The following KPNA4 variants were observed in gnomAD, a reference collection of about 807,000 sequenced individuals.
KPNA4 encodes importin subunit alpha-3.
Under a neutral mutation model 71.3 loss-of-function variants are expected in KPNA4, and 13 were observed. That is an observed-to-expected ratio of 0.18 (90% CI 0.12 to 0.29). The LOEUF is 0.29. Among genes scored for constraint, KPNA4 ranks in the 10% least tolerant of loss-of-function variants. KPNA4 has a pLI of 1.00. For missense variants in KPNA4, 334 were observed against 603.2 expected, an observed-to-expected ratio of 0.55 and a Z score of 4.67; for synonymous variants, 189 against 195.2, an observed-to-expected ratio of 0.97 and a Z score of 0.26.
Position 160,536,797 on chromosome 3 carries a change from T to A in KPNA4, c.113A>T (p.Lys38Met). The A allele has an allele frequency of 6.3e-7, 1 of 1,575,154 alleles. No individual in the cohort carries two copies. The highest frequency in any genetic ancestry group is 8.7e-7 in the Non-Finnish European group (1 of 1,148,650). The change falls in exon 2 of 17, where the codon AAG (lysine) becomes ATG (methionine). Residue 38 changes from lysine (K) to methionine (M), a missense_variant and splice_region_variant. Lys to Met is a moderately conservative substitution (Grantham distance 95). Coordinates refer to ENST00000334256, the MANE Select transcript of KPNA4 (RefSeq NM_002268.5). Reference protein sequence around the residue: ...QRNEVVVELRKNKRDEHLLKR... With the variant: ...QRNEVVVELRMNKRDEHLLKR... ...GTACCCAATATTAATCAGACTCACC[T>A]TCCTTAATTCAACTACAACTTCATT...
chr3:160,522,943 C>T (rs1721385348), intron 10 of KPNA4, among the ~76,000 whole-genome samples: 1 of 148,428 alleles, frequency 6.7e-6, no homozygotes, highest in Non-Finnish European at 1.5e-5. Context: ...TTTTTTTTAA[C>T]GATTACATCT....
intron 5 of KPNA4, among the ~76,000 whole-genome samples, chr3:160,533,198 A>G (rs557096817): frequency 2.4e-4 from 36 of 152,044 alleles, no homozygotes; most frequent in African/African-American, 8.7e-4. Context: ...CAACTTTTAT[A>G]TTTTTAGTAG....
At chr3:160,503,861 T>C (rs976631715) in intron 16 of KPNA4, among the ~76,000 whole-genome samples, 12 of 152,098 alleles carry the variant, frequency 7.9e-5, no homozygotes, top group East Asian at 3.9e-4. Context: ...GATGGGAGAA[T>C]TGTTTGAGTC....
At chr3:160,522,602 C>T (rs906531752) in intron 10 of KPNA4, among the ~76,000 whole-genome samples, 6 of 152,164 alleles carry the variant, frequency 3.9e-5, no homozygotes, top group African/African-American at 9.7e-5. Context: ...GGACTACAGG[C>T]GCATGCCGCA....
chr3:160,532,920 G>A (rs958878011), intron 5 of KPNA4, among the ~76,000 whole-genome samples: 9 of 152,172 alleles, frequency 5.9e-5, no homozygotes, highest in Non-Finnish European at 1.2e-4. Flanking sequence ...GGTCTTCTAT[G>A]TATTCAAACT....
intron 11 of KPNA4, among the ~76,000 whole-genome samples, chr3:160,519,174 T>G (rs1207490843): frequency 6.6e-6 from 1 of 152,238 alleles, no homozygotes; most frequent in African/African-American, 2.4e-5. Flanking sequence ...GGAAGCACGG[T>G]CATCCTAACA....
intron 7 of KPNA4, among the ~76,000 whole-genome samples, chr3:160,529,911 T>TGAGGTCAGGAGATCGA (rs1721537442): frequency 6.8e-6 from 1 of 147,724 alleles, no homozygotes; most frequent in Non-Finnish European, 1.5e-5. Flanking sequence ...AGGCGGATCA[T>TGAGGTCAGGAGATCGA]GAGGTCAGGA....
intron 1 of KPNA4, among the ~76,000 whole-genome samples, chr3:160,539,338 C>T (rs868272434): frequency 6.6e-6 from 1 of 152,282 alleles, no homozygotes. Flanking sequence ...TAGCTAAATA[C>T]TACGGTAAGT....
Position 160,555,348 on chromosome 3 carries a change from T to A in KPNA4, c.69+9866A>T, listed in dbSNP as rs554661560. Among the ~76,000 whole-genome samples the A allele has an allele frequency of 1.8e-3, 281 of 152,364 alleles. 7 individuals carry two copies. Among genetic ancestry groups the A allele is most frequent in the Admixed American group, 0.018 (276 of 15,298 alleles). Reference sequence around the variant, plus strand: ...GACTAACTTCTTTCAGGCAGTATAATGTTTTCAAGGTTCATCCATACCGTT... The same window carrying A: ...GACTAACTTCTTTCAGGCAGTATAAAGTTTTCAAGGTTCATCCATACCGTT... On this transcript the variant is annotated intron_variant, in intron 1 of 16. Coordinates refer to ENST00000334256, the MANE Select transcript of KPNA4 (RefSeq NM_002268.5).
At chr3:160,528,996 C>G (rs1407594352) in intron 7 of KPNA4, among the ~76,000 whole-genome samples, 3 of 152,164 alleles carry the variant, frequency 2.0e-5, no homozygotes, top group Non-Finnish European at 2.9e-5. Context: ...GGTGTCACCA[C>G]AGGTCACTGC....
chr3:160,521,534 T>C (rs1460425720), intron 11 of KPNA4, among the ~76,000 whole-genome samples: 1 of 152,146 alleles, frequency 6.6e-6, no homozygotes, highest in Non-Finnish European at 1.5e-5. Context: ...ACCTAGGAAG[T>C]GGAGGTTGTA....
intron 10 of KPNA4, 29 bp from the exon 11 acceptor site, chr3:160,521,939 C>T (rs1383354665): frequency 1.3e-6 from 2 of 1,574,064 alleles, no homozygotes; most frequent in Admixed American, 3.8e-5. Flanking sequence ...ATTCAAACAA[C>T]TTTTAAATAT....
At chr3:160,546,827 T>C (rs1004032870) in intron 1 of KPNA4, among the ~76,000 whole-genome samples, 1 of 152,166 alleles carries the variant, frequency 6.6e-6, no homozygotes, top group Non-Finnish European at 1.5e-5. Flanking sequence ...CCACGTCTCA[T>C]TTATTGTGGT....
chr3:160,541,971 C>A (rs567097644), intron 1 of KPNA4, among the ~76,000 whole-genome samples: 1 of 152,142 alleles, frequency 6.6e-6, no homozygotes, highest in African/African-American at 2.4e-5. Flanking sequence ...ATGCACACAA[C>A]GCACTCTGAC....
chr3:160,551,700 A>C (rs930143359), intron 1 of KPNA4, among the ~76,000 whole-genome samples: 3 of 152,192 alleles, frequency 2.0e-5, no homozygotes, highest in Non-Finnish European at 4.4e-5. Context: ...TGCAGCAAAC[A>C]CTCAAATATC....
intron 15 of KPNA4, among the ~76,000 whole-genome samples, chr3:160,506,075 A>G (rs1720976617): frequency 6.6e-6 from 1 of 152,158 alleles, no homozygotes; most frequent in Non-Finnish European, 1.5e-5. Flanking sequence ...CAAAAACTTG[A>G]AAGTCCATCC....
intron 15 of KPNA4, among the ~76,000 whole-genome samples, 154 bp from the exon 16 acceptor site, chr3:160,505,206 A>AT: frequency 6.6e-6 from 1 of 152,310 alleles, no homozygotes; most frequent in East Asian, 1.9e-4. Flanking sequence ...ATATAAAAAA[A>AT]TTTTATGCAC....
chr3:160,542,860 T>C (rs900389015), intron 1 of KPNA4, among the ~76,000 whole-genome samples: 1 of 152,216 alleles, frequency 6.6e-6, no homozygotes, highest in African/African-American at 2.4e-5. Flanking sequence ...ATAGATTCCA[T>C]ACTTTAAAAT....
intron 7 of KPNA4, among the ~76,000 whole-genome samples, chr3:160,529,032 G>A (rs1447044404): frequency 1.3e-5 from 2 of 152,088 alleles, no homozygotes; most frequent in Non-Finnish European, 2.9e-5. Context: ...TGGCTTAAGT[G>A]ATCCTCCTAC....
Sources: allele counts gnomAD v4.1 joint callset (sites outside exome capture counted in the v4.1 genomes callset), GRCh38; gene constraint gnomAD v4.1.1; transcripts MANE v1.5; gene names NCBI Gene and HGNC (gene_info 2026-07-23, HGNC 2026-07-21).